The following WDR31 variants were observed in gnomAD, a reference collection of about 807,000 sequenced individuals.
WDR31 encodes the protein WD repeat-containing protein 31.
In WDR31, 30 loss-of-function variants were observed where a neutral mutation model predicts 47.3. That is an observed-to-expected ratio of 0.63 (90% CI 0.47 to 0.86). The LOEUF is 0.86. Ranked by LOEUF, WDR31 falls within the 40% of genes least tolerant of loss-of-function variation. The pLI, the probability that WDR31 is intolerant of heterozygous loss-of-function variation, is 0.00. For synonymous variants in WDR31, 137 were observed against 159.4 expected, an observed-to-expected ratio of 0.86 and a Z score of 1.06; for missense variants, 406 against 442.9, an observed-to-expected ratio of 0.92 and a Z score of 0.75.
intron 2 of WDR31, among the ~76,000 whole-genome samples, chr9:113,334,212 T>G (rs1163279394): frequency 6.6e-6 from 1 of 152,008 alleles, no homozygotes. Flanking sequence ...CGCCAACTCC[T>G]GGGCTCAAGC....
intron 2 of WDR31, among the ~76,000 whole-genome samples, chr9:113,332,656 G>A (rs1252431094): frequency 6.6e-6 from 1 of 152,160 alleles, no homozygotes; most frequent in African/African-American, 2.4e-5. Context: ...GAAGAGACTG[G>A]GGAGTGACTA....
At chr9:113,319,599 C>T (rs747200329) in intron 9 of WDR31, among the ~76,000 whole-genome samples, 3 of 152,112 alleles carry the variant, frequency 2.0e-5, no homozygotes, top group Non-Finnish European at 4.4e-5. Flanking sequence ...TACTAGATAA[C>T]CCTTTTAATG....
At chr9:113,328,802 A>G (rs1266425261) in intron 5 of WDR31, 79 bp downstream of exon 5, 10 of 1,241,170 alleles carry the variant, frequency 8.1e-6, no homozygotes, top group Non-Finnish European at 2.3e-6. Context: ...CAAAGATTCA[A>G]TCACTCTTAA....
intron 7 of WDR31, among the ~76,000 whole-genome samples, chr9:113,322,187 T>A (rs904154566): frequency 1.3e-5 from 2 of 151,588 alleles, no homozygotes; most frequent in African/African-American, 4.9e-5. Flanking sequence ...TCTGAATTCA[T>A]CCTCTGAAGA....
chr9:113,335,863 A>C (rs566123400), intron 2 of WDR31, among the ~76,000 whole-genome samples: 41 of 152,340 alleles, frequency 2.7e-4, no homozygotes, highest in African/African-American at 9.6e-4. Context: ...GTGTATAATG[A>C]GAGAAGGTCT....
intron 2 of WDR31, among the ~76,000 whole-genome samples, chr9:113,335,145 G>A (rs1157553042): frequency 6.6e-6 from 1 of 152,102 alleles, no homozygotes; most frequent in Non-Finnish European, 1.5e-5. Context: ...CTCAACTAAC[G>A]AGGCTAGAAC....
At chr9:113,317,948 C>T (rs573009127) in intron 10 of WDR31, among the ~76,000 whole-genome samples, 5 of 152,360 alleles carry the variant, frequency 3.3e-5, no homozygotes, top group South Asian at 2.1e-4. Flanking sequence ...ATTTAACAAT[C>T]GGCCAGCAGG....
intron 5 of WDR31, 90 bp downstream of exon 5, chr9:113,328,791 C>T: frequency 8.6e-7 from 1 of 1,157,304 alleles, no homozygotes; most frequent in Non-Finnish European, 1.3e-6. Flanking sequence ...TTCCTTAAGA[C>T]CAAAGATTCA....
At chr9:113,318,782 C>G (rs1182351056) in intron 9 of WDR31, 145 bp from the exon 10 acceptor site, 21 of 785,914 alleles carry the variant, frequency 2.7e-5, no homozygotes, top group Non-Finnish European at 3.9e-5. Context: ...ATCCACAGAC[C>G]CAACAACCCA....
rs1833297669 is a variant in WDR31 at position 113,320,356 on chromosome 9, C to T, written c.780+1G>A. ...TACCTGGACCTCACACAGTCTCCTA[C>T]CGTGGCTTCACAGCCTTCTCCTCCA... is the stretch of plus-strand genomic sequence containing the variant. On this transcript the variant is annotated splice_donor_variant, in intron 9 of 10. Coordinates refer to ENST00000374193, the MANE Select transcript of WDR31 (RefSeq NM_001012361.4). LOFTEE classifies it high-confidence loss of function. 2 of 1,613,956 alleles carry T rather than the reference C, an allele frequency of 1.2e-6. No homozygotes were observed. Among genetic ancestry groups the T allele is most frequent in the South Asian group, 2.2e-5 (2 of 91,032 alleles).
intron 5 of WDR31, among the ~76,000 whole-genome samples, chr9:113,326,336 T>C (rs1554729949): frequency 6.6e-6 from 1 of 152,190 alleles, no homozygotes; most frequent in Non-Finnish European, 1.5e-5. Context: ...TCTCCGCACA[T>C]ACAGATTCTT....
At position 113,320,350 on chromosome 9, in the gene WDR31, C is replaced by G. The variant is rs1390839841; in HGVS notation, c.780+7G>C. On this transcript the variant is annotated splice_region_variant and intron_variant, in intron 9 of 10. Coordinates refer to ENST00000374193, the MANE Select transcript of WDR31 (RefSeq NM_001012361.4). Reference sequence around the variant, plus strand: ...ACCAGATACCTGGACCTCACACAGTCTCCTACCGTGGCTTCACAGCCTTCT... The same window carrying G: ...ACCAGATACCTGGACCTCACACAGTGTCCTACCGTGGCTTCACAGCCTTCT... 1 of 1,613,698 alleles carries G rather than the reference C, an allele frequency of 6.2e-7. No individual in the cohort carries two copies. The highest frequency in any genetic ancestry group is 8.5e-7 in the Non-Finnish European group (1 of 1,179,822).
intron 5 of WDR31, 106 bp downstream of exon 5, chr9:113,328,775 G>T: frequency 1.0e-6 from 1 of 964,718 alleles, no homozygotes; most frequent in South Asian, 1.5e-5. Flanking sequence ...ACAAACCTTT[G>T]CATTTTTCCT....
In WDR31 at chr9:113,318,786, C is replaced by A. The variant is rs887157672; in HGVS notation, c.781-149G>T. 9 of 764,536 alleles carry A rather than the reference C, an allele frequency of 1.2e-5. No individual in the cohort carries two copies. The Admixed American group carries it at 1.7e-4, about 14-fold the overall frequency. The allele number at this position is 764,536 out of a possible 1,614,324, so 47.4% of individuals were successfully genotyped here. A position where few individuals can be genotyped will look rare whatever the true frequency, so the allele number is the denominator to read the frequency against. ...TATCTTCATCCATCCACAGACCCAACAACCCATCCATCCACAGACCCAATG... is the reference window on the plus strand; with the variant it reads ...TATCTTCATCCATCCACAGACCCAAAAACCCATCCATCCACAGACCCAATG... On this transcript the variant is annotated intron_variant, in intron 9 of 10. Transcript: ENST00000374193.
At position 113,316,075 on chromosome 9, in the gene WDR31, G is replaced by A. The variant is rs1833191064; in HGVS notation, c.*674C>T. ...CTGTAATTCTGGGCAATGCCCATGT[G>A]GTTCTTGGCTGCTTCAAGCCATCTC... On this transcript the variant is annotated 3_prime_UTR_variant, in exon 11 of 11. Transcript: ENST00000374193. 1 of 152,242 alleles carries A rather than the reference G, an allele frequency of 6.6e-6. No homozygotes were observed. Among genetic ancestry groups the A allele is most frequent in the African/African-American group, 2.4e-5 (1 of 41,468 alleles). 9.4% of individuals were successfully genotyped at this position (152,242 alleles called of 1,614,324 possible). A position where few individuals can be genotyped will look rare whatever the true frequency, so the allele number is the denominator to read the frequency against.
chr9:113,323,558 G>A (rs570347377), intron 5 of WDR31, among the ~76,000 whole-genome samples: 3 of 151,844 alleles, frequency 2.0e-5, no homozygotes, highest in East Asian at 1.9e-4. Context: ...CACTGTGCCC[G>A]GCCCCCACAC....
intron 5 of WDR31, among the ~76,000 whole-genome samples, chr9:113,324,046 T>C (rs933316193): frequency 6.6e-6 from 1 of 152,132 alleles, no homozygotes; most frequent in Non-Finnish European, 1.5e-5. Context: ...TTTGGAATTG[T>C]GGTAAATATA....
In WDR31 at chr9:113,314,500, A is replaced by C. The variant is rs574090233; in HGVS notation, c.*2249T>G. 2.6e-5 allele frequency: 4 copies of C among 152,284 alleles called. No homozygotes were observed. Among genetic ancestry groups the C allele is most frequent in the Admixed American group, 2.6e-4 (4 of 15,286 alleles). The allele number at this position is 152,284 out of a possible 1,614,324, so 9.4% of individuals were successfully genotyped here. A position where few individuals can be genotyped will look rare whatever the true frequency, so the allele number is the denominator to read the frequency against. ...AGTGCTGGGATTACAGGCATGAGCC[A>C]ACGCGTCCGGCAGAATGGTAAATGT... is the stretch of plus-strand genomic sequence containing the variant. On this transcript the variant is annotated 3_prime_UTR_variant, in exon 11 of 11. Coordinates refer to ENST00000374193, the MANE Select transcript of WDR31 (RefSeq NM_001012361.4).
At chr9:113,334,905 ATC>A (rs1273259035) in intron 2 of WDR31, among the ~76,000 whole-genome samples, 1 of 151,896 alleles carries the variant, frequency 6.6e-6, no homozygotes, top group African/African-American at 2.4e-5. Context: ...GTGGCATTCA[ATC>A]TCAGTTTTAA....
Sources: allele counts gnomAD v4.1 joint callset (sites outside exome capture counted in the v4.1 genomes callset), GRCh38; gene constraint gnomAD v4.1.1; transcripts MANE v1.5; gene names NCBI Gene and HGNC (gene_info 2026-07-23, HGNC 2026-07-21).